The following ZSCAN5A variants were observed in gnomAD, a reference collection of about 807,000 sequenced individuals.
ZSCAN5A encodes zinc finger and SCAN domain containing 5A.
ZSCAN5A carries 12 observed loss-of-function variants against 23.7 expected under a neutral mutation model. That is an observed-to-expected ratio of 0.51 (90% confidence interval 0.32 to 0.82). The LOEUF (loss-of-function observed/expected upper bound fraction) is 0.82, where lower values mean the gene tolerates loss of function less well. Among genes scored for constraint, ZSCAN5A ranks in the 40% least tolerant of loss-of-function variants. The pLI, the probability that ZSCAN5A is intolerant of heterozygous loss-of-function variation, is 0.03. For missense variants in ZSCAN5A, 597 were observed against 617.9 expected (o/e 0.97, Z 0.36); for synonymous variants, 257 against 239.9 (o/e 1.07, Z -0.66).
rs371691408 is a variant in ZSCAN5A at position 56,226,806 on chromosome 19, G to A, written c.-127-1633C>T. Among the ~76,000 whole-genome samples, 30 of 152,210 alleles carry A rather than the reference G, an allele frequency of 2.0e-4. No homozygotes were observed. In the East Asian group the frequency reaches 2.9e-3, roughly 15 times the overall value. ...AGGGAGGGTTGAAAAACTACCTATTGGGTACTATCCTCATATCCTGGGTGA... is the reference window on the plus strand; with the variant it reads ...AGGGAGGGTTGAAAAACTACCTATTAGGTACTATCCTCATATCCTGGGTGA... On this transcript the variant is annotated intron_variant, in intron 2 of 5. Transcript: ENST00000683990.
At chr19:56,327,977 C>T (rs553102915) in intron 2 of ZSCAN5A, among the ~76,000 whole-genome samples, 1 of 152,140 alleles carries the variant, frequency 6.6e-6, no homozygotes, top group Non-Finnish European at 1.5e-5. Context: ...TATTTTGATA[C>T]ATATACATTA....
At chr19:56,237,778 G>A (rs1216905304) in intron 2 of ZSCAN5A, among the ~76,000 whole-genome samples, 1 of 151,884 alleles carries the variant, frequency 6.6e-6, no homozygotes, top group East Asian at 1.9e-4. Context: ...AAATTAGCCG[G>A]GCATGGGTGG....
chr19:56,268,499 T>G (rs768268954), intron 2 of ZSCAN5A, among the ~76,000 whole-genome samples: 1 of 152,234 alleles, frequency 6.6e-6, no homozygotes, highest in Non-Finnish European at 1.5e-5. Context: ...ACTTTTTAAA[T>G]TTAGTTACTT....
intron 1 of ZSCAN5A, among the ~76,000 whole-genome samples, chr19:56,366,109 G>T (rs1403854477): frequency 6.6e-6 from 1 of 152,102 alleles, no homozygotes; most frequent in Non-Finnish European, 1.5e-5. Flanking sequence ...GTCCCCTCTT[G>T]CCACCCTGTC....
At chr19:56,346,853 G>A (rs941856635) in intron 2 of ZSCAN5A, among the ~76,000 whole-genome samples, 10 of 151,900 alleles carry the variant, frequency 6.6e-5, no homozygotes, top group Non-Finnish European at 1.3e-4. Context: ...TCGGCCTCCC[G>A]AGTAGCTGGG....
chr19:56,230,615 ATGTGTGTGTGTGTGTGTGTG>A (rs58270311), intron 2 of ZSCAN5A, among the ~76,000 whole-genome samples: 11,403 of 147,660 alleles, frequency 0.077, 577 homozygotes, highest in Non-Finnish European at 0.12. Context: ...TTATTTCTTG[ATGTGTGTGTGTGTGTGTGTG>A]TGTGTGTGTG....
chr19:56,335,990 G>A (rs12976103), intron 2 of ZSCAN5A, among the ~76,000 whole-genome samples: 9,933 of 152,152 alleles, frequency 0.065, 352 homozygotes, highest in South Asian at 0.15. Flanking sequence ...TGGGTAACCC[G>A]ACCTTTCTCT....
chr19:56,324,903 C>CA (rs912907359), intron 2 of ZSCAN5A, among the ~76,000 whole-genome samples: 8 of 151,870 alleles, frequency 5.3e-5, no homozygotes, highest in African/African-American at 1.9e-4. Flanking sequence ...TAGACAACCA[C>CA]AAAAAAAAGT....
At chr19:56,260,214 CTTTTTTT>C (rs398041088) in intron 2 of ZSCAN5A, among the ~76,000 whole-genome samples, 74 of 127,872 alleles carry the variant, frequency 5.8e-4, no homozygotes, top group African/African-American at 1.7e-3. Context: ...TATTTTTTTA[CTTTTTTT>C]TTTTTTTTTT....
At chr19:56,295,675 CTGCGG>C (rs2039825234) in intron 2 of ZSCAN5A, among the ~76,000 whole-genome samples, 1 of 152,176 alleles carries the variant, frequency 6.6e-6, no homozygotes, top group Admixed American at 6.5e-5. Context: ...CCTAACCTTG[CTGCGG>C]TGCAAATCCT....
At chr19:56,244,555 A>C (rs28493243) in intron 2 of ZSCAN5A, 1 of 1,119,492 alleles carries the variant, frequency 8.9e-7, no homozygotes, top group African/African-American at 1.7e-5. Context: ...GAGTTTGCCC[A>C]TCAGGGACAC....
chr19:56,290,147 A>G (rs2039417638), intron 2 of ZSCAN5A, among the ~76,000 whole-genome samples: 1 of 152,208 alleles, frequency 6.6e-6, no homozygotes, highest in African/African-American at 2.4e-5. Context: ...TGAGAATACC[A>G]AGGGGTGGGT....
intron 2 of ZSCAN5A, chr19:56,246,745 G>A (rs776939100): frequency 2.1e-6 from 3 of 1,454,542 alleles, no homozygotes; most frequent in Non-Finnish European, 2.9e-6. Context: ...TGTGGTGGGA[G>A]CAAAGGAGGG....
At chr19:56,269,138 T>C (rs532393692) in intron 2 of ZSCAN5A, among the ~76,000 whole-genome samples, 5 of 152,156 alleles carry the variant, frequency 3.3e-5, no homozygotes, top group East Asian at 3.8e-4. Context: ...TTCGGGTACA[T>C]ACCTAGGAGT....
chr19:56,340,441 C>A (rs2041583422), intron 2 of ZSCAN5A, among the ~76,000 whole-genome samples: 1 of 152,190 alleles, frequency 6.6e-6, no homozygotes, highest in Non-Finnish European at 1.5e-5. Context: ...TTTTCCTTTT[C>A]ACAATTCTCT....
intron 2 of ZSCAN5A, chr19:56,273,044 C>T (rs564404523): frequency 7.5e-4 from 180 of 240,786 alleles, no homozygotes; most frequent in African/African-American, 3.9e-3. Flanking sequence ...CCCATTTAGA[C>T]ATTCACATTT....
At position 56,221,653 on chromosome 19, in the gene ZSCAN5A, G is replaced by C. The variant is rs2033178491; in HGVS notation, c.1413C>G (p.Ser471=). The change falls in exon 6 of 6, where the codon TCC becomes TCG. Residue 471 remains serine (S), a synonymous_variant. Transcript: ENST00000683990. ...IHSGEKPYKC[S]KCPRAFSRLK... is the part of the protein sequence containing the mutation. Reference sequence around the variant, plus strand: ...GCCGACTGAAGGCTCTTGGACACTTGGAACATTTGTAGGGTTTCTCTCCGG... The same window carrying C: ...GCCGACTGAAGGCTCTTGGACACTTCGAACATTTGTAGGGTTTCTCTCCGG... 1 of 1,614,164 alleles carries C rather than the reference G, an allele frequency of 6.2e-7. No individual in the cohort carries two copies. Among genetic ancestry groups the C allele is most frequent in the Non-Finnish European group, 8.5e-7 (1 of 1,180,018 alleles).
chr19:56,364,000 A>C lies in ZSCAN5A; in HGVS notation c.-521-602T>G, dbSNP rs566963923. Reference sequence around the variant, plus strand: ...ACCACTTGATAGAGAAATTTGCATAAGTAAAATGCAAACAAGAGCTGATAG... The same window carrying C: ...ACCACTTGATAGAGAAATTTGCATACGTAAAATGCAAACAAGAGCTGATAG... On this transcript the variant is annotated intron_variant, in intron 1 of 6. Coordinates refer to the ZSCAN5A transcript ENST00000587340. 2.0e-5 allele frequency among the ~76,000 whole-genome samples: 3 copies of C among 152,366 alleles called. No homozygotes were observed. In the East Asian group the frequency reaches 5.8e-4, roughly 29 times the overall value.
intron 2 of ZSCAN5A, among the ~76,000 whole-genome samples, chr19:56,237,907 G>T (rs111889767): frequency 0.048 from 5,366 of 112,800 alleles, 350 homozygotes; most frequent in East Asian, 0.33. Context: ...GCAGAGTGAG[G>T]TTCTGTCTCA....
Sources: gnomAD v4.1 joint callset for allele counts (sites outside exome capture counted in the v4.1 genomes callset) on GRCh38, gnomAD v4.1.1 for gene constraint, MANE v1.5 for transcripts, NCBI Gene and HGNC (gene_info 2026-07-23, HGNC 2026-07-21) for gene names.